CACNA2D3: variants seen among roughly 807,000 people sequenced by gnomAD.
CACNA2D3 encodes the protein voltage-dependent calcium channel subunit alpha-2/delta-3.
A neutral mutation model predicts 160.6 loss-of-function variants in CACNA2D3; 60 were observed. The observed-to-expected ratio is 0.37, with a 90% CI of 0.30 to 0.46. CACNA2D3 has a LOEUF of 0.46. CACNA2D3 is among the 20% of genes least tolerant of loss of function. The pLI, the probability that CACNA2D3 is intolerant of heterozygous loss-of-function variation, is 1.00. For missense variants in CACNA2D3, 1,205 were observed against 1,365.0 expected (o/e 0.88, Z 1.85); for synonymous variants, 558 against 492.9 (o/e 1.13, Z -1.75).
At chr3:54,599,111 T>C (rs539214108) in intron 9 of CACNA2D3, among the ~76,000 whole-genome samples, 18 of 152,170 alleles carry the variant, frequency 1.2e-4, no homozygotes, top group Non-Finnish European at 2.5e-4. Context: ...TTGGCTGTTA[T>C]ATTTATAACT....
At chr3:54,755,732 T>A (rs1701956643) in intron 12 of CACNA2D3, among the ~76,000 whole-genome samples, 1 of 152,204 alleles carries the variant, frequency 6.6e-6, no homozygotes, top group Non-Finnish European at 1.5e-5. Flanking sequence ...TTGTTGACAT[T>A]TAAAAACCTT....
At chr3:54,663,009 T>C (rs1699999909) in intron 11 of CACNA2D3, among the ~76,000 whole-genome samples, 1 of 152,190 alleles carries the variant, frequency 6.6e-6, no homozygotes, top group South Asian at 2.1e-4. Flanking sequence ...CATGTGGCAA[T>C]ATCTTTCGGT....
chr3:54,499,294 A>G (rs1559498390), intron 4 of CACNA2D3, among the ~76,000 whole-genome samples: 1 of 152,154 alleles, frequency 6.6e-6, no homozygotes, highest in East Asian at 1.9e-4. Flanking sequence ...ACTTTGCCTC[A>G]TGTACCCCTT....
intron 4 of CACNA2D3, among the ~76,000 whole-genome samples, chr3:54,392,137 A>C (rs1699292903): frequency 1.3e-5 from 2 of 152,130 alleles, no homozygotes; most frequent in Admixed American, 1.3e-4. Flanking sequence ...CATTATTTTG[A>C]TGGCAAAACC....
At chr3:54,199,811 T>G (rs1701146568) in intron 2 of CACNA2D3, among the ~76,000 whole-genome samples, 1 of 152,224 alleles carries the variant, frequency 6.6e-6, no homozygotes, top group Non-Finnish European at 1.5e-5. Flanking sequence ...TGTATGATAT[T>G]AACACTAGGT....
At chr3:55,037,898 T>C (rs1703865355) in intron 35 of CACNA2D3, among the ~76,000 whole-genome samples, 1 of 152,092 alleles carries the variant, frequency 6.6e-6, no homozygotes, top group Non-Finnish European at 1.5e-5. Flanking sequence ...TTCTGCTCCC[T>C]GTGAACACAT....
chr3:55,036,436 A>G (rs1316675426), intron 35 of CACNA2D3, among the ~76,000 whole-genome samples: 1 of 151,926 alleles, frequency 6.6e-6, no homozygotes, highest in Non-Finnish European at 1.5e-5. Context: ...CTTGTGTTTT[A>G]TTTTTATTTT....
chr3:54,583,893 A>C (rs567692759), intron 9 of CACNA2D3, among the ~76,000 whole-genome samples: 1 of 152,024 alleles, frequency 6.6e-6, no homozygotes, highest in Admixed American at 6.5e-5. Context: ...GACCAACAAT[A>C]GGCACAGATT....
At chr3:54,630,551 A>G (rs1385599380) in intron 10 of CACNA2D3, among the ~76,000 whole-genome samples, 1 of 152,224 alleles carries the variant, frequency 6.6e-6, no homozygotes, top group Non-Finnish European at 1.5e-5. Flanking sequence ...CCTGCAGTGA[A>G]CAAACCTTTA....
At chr3:54,783,511 CAGG>C (rs1440009561) in intron 13 of CACNA2D3, among the ~76,000 whole-genome samples, 4 of 152,198 alleles carry the variant, frequency 2.6e-5, no homozygotes, top group South Asian at 4.2e-4. Flanking sequence ...GAGACTGAGG[CAGG>C]AGAATCACTT....
At chr3:54,248,370 A>C (rs939692167) in intron 2 of CACNA2D3, among the ~76,000 whole-genome samples, 1 of 151,672 alleles carries the variant, frequency 6.6e-6, no homozygotes, top group Non-Finnish European at 1.5e-5. Context: ...AATCCCAGCA[A>C]CTCGGGAGGC....
intron 35 of CACNA2D3, among the ~76,000 whole-genome samples, chr3:55,056,947 T>C (rs1704375503): frequency 6.6e-6 from 1 of 152,162 alleles, no homozygotes; most frequent in African/African-American, 2.4e-5. Flanking sequence ...CAAGAATAAA[T>C]CTCAAATGCT....
intron 27 of CACNA2D3, among the ~76,000 whole-genome samples, chr3:54,900,188 C>T (rs910691324): frequency 6.6e-6 from 1 of 152,166 alleles, no homozygotes; most frequent in African/African-American, 2.4e-5. Context: ...TCCAGATCTC[C>T]AGCTTCTGTG....
chr3:54,883,799 A>ATCTCTCTCTCTCTCTCTCTCTATCTC (rs1699857963), intron 21 of CACNA2D3, among the ~76,000 whole-genome samples: 1 of 107,422 alleles, frequency 9.3e-6, no homozygotes, highest in South Asian at 3.9e-4. Context: ...TTACAATGGA[A>ATCTCTCTCTCTCTCTCTCTCTATCTC]TCTCTCTCTC....
chr3:54,987,251 C>A (rs1246397713), intron 30 of CACNA2D3, among the ~76,000 whole-genome samples: 2 of 152,174 alleles, frequency 1.3e-5, no homozygotes, highest in East Asian at 3.9e-4. Context: ...GCTGTATTTC[C>A]CTAAACAGGT....
At chr3:54,810,382 C>A (rs1426957323) in intron 13 of CACNA2D3, among the ~76,000 whole-genome samples, 2 of 152,178 alleles carry the variant, frequency 1.3e-5, no homozygotes, top group African/African-American at 4.8e-5. Context: ...TCATCAGAGA[C>A]CCCTTGGCAT....
intron 11 of CACNA2D3, among the ~76,000 whole-genome samples, chr3:54,729,373 A>G (rs1483090504): frequency 6.6e-6 from 1 of 152,164 alleles, no homozygotes; most frequent in African/African-American, 2.4e-5. Flanking sequence ...TCCAACCTTA[A>G]TAGATAGATG....
intron 4 of CACNA2D3, among the ~76,000 whole-genome samples, chr3:54,424,990 G>T (rs1007071463): frequency 6.6e-6 from 1 of 152,222 alleles, no homozygotes; most frequent in Non-Finnish European, 1.5e-5. Context: ...GACCTGTTCT[G>T]TCTCCTCCTT....
intron 3 of CACNA2D3, among the ~76,000 whole-genome samples, chr3:54,353,346 G>T (rs1196334334): frequency 6.6e-6 from 1 of 152,210 alleles, no homozygotes; most frequent in Non-Finnish European, 1.5e-5. Context: ...TCCAGCAGCT[G>T]AGTGTGGAAT....
Sources: allele counts gnomAD v4.1 joint callset (sites outside exome capture counted in the v4.1 genomes callset), GRCh38; gene constraint gnomAD v4.1.1; transcripts MANE v1.5; gene names NCBI Gene and HGNC (gene_info 2026-07-23, HGNC 2026-07-21).